The following GTF2IRD1 variants were observed in gnomAD, a reference collection of about 807,000 sequenced individuals.
GTF2IRD1 encodes the protein general transcription factor II-I repeat domain-containing protein 1.
Under a neutral mutation model 113.2 loss-of-function variants are expected in GTF2IRD1, and 26 were observed. That is an observed-to-expected ratio of 0.23 (90% CI 0.17 to 0.32). The LOEUF is 0.32. GTF2IRD1 is among the 10% of genes least tolerant of loss of function. GTF2IRD1 has a pLI of 1.00. For synonymous variants in GTF2IRD1, 484 were observed against 529.1 expected, an observed-to-expected ratio of 0.91 and a Z score of 1.17; for missense variants, 864 against 1,280.8, an observed-to-expected ratio of 0.67 and a Z score of 4.97.
intron 20 of GTF2IRD1, 32 bp downstream of exon 20, chr7:74,557,754 C>A: frequency 7.3e-7 from 1 of 1,370,030 alleles, no homozygotes; most frequent in Non-Finnish European, 1.0e-6. Context: ...GGGAGGGACA[C>A]GCAGCTGCTG....
intron 8 of GTF2IRD1, among the ~76,000 whole-genome samples, chr7:74,528,706 G>GAT (rs1554347757): frequency 1.4e-5 from 2 of 144,710 alleles, no homozygotes; most frequent in Non-Finnish European, 3.0e-5. Context: ...AGGAAAGATG[G>GAT]GTGGATGGAT....
chr7:74,533,032 C>G (rs1311646766), intron 9 of GTF2IRD1, among the ~76,000 whole-genome samples: 1 of 152,126 alleles, frequency 6.6e-6, no homozygotes, highest in African/African-American at 2.4e-5. Context: ...TGCCAGAACT[C>G]CAGTCCTGGA....
At chr7:74,581,958 G>T (rs1411767972) in intron 22 of GTF2IRD1, among the ~76,000 whole-genome samples, 3 of 152,162 alleles carry the variant, frequency 2.0e-5, no homozygotes, top group Non-Finnish European at 4.4e-5. Context: ...AGTGAGCTGA[G>T]ATTGCTCCAC....
intron 1 of GTF2IRD1, among the ~76,000 whole-genome samples, chr7:74,471,701 AC>A (rs1794114095): frequency 2.2e-5 from 3 of 134,716 alleles, no homozygotes; most frequent in Non-Finnish European, 4.6e-5. Context: ...AAAAAAAAAA[AC>A]AAAAAAAACG....
chr7:74,521,404 G>A, intron 7 of GTF2IRD1, 107 bp downstream of exon 7: 2 of 739,354 alleles, frequency 2.7e-6, no homozygotes, highest in Non-Finnish European at 4.8e-6. Context: ...AAAGAAAGGA[G>A]GAACAGCTCT....
Position 74,538,576 on chromosome 7 carries a change from G to C in GTF2IRD1, c.1448-104G>C, listed in dbSNP as rs1490115642. The C allele has an allele frequency of 3.7e-6, 3 of 812,686 alleles. No individual in the cohort carries two copies. The African/African-American group carries it at 5.0e-5, about 14-fold the overall frequency. 50.3% of individuals were successfully genotyped at this position (812,686 alleles called of 1,614,324 possible). ...GGCTGACATGACTTGTCCTAGGTAG[G>C]GCCTCACTAACAAGTTACAGACACC... On this transcript the variant is annotated intron_variant, in intron 12 of 26. Coordinates refer to ENST00000424337, the MANE Select transcript of GTF2IRD1 (RefSeq NM_005685.4).
At chr7:74,557,123 G>A (rs1474539638) in intron 19 of GTF2IRD1, among the ~76,000 whole-genome samples, 2 of 152,146 alleles carry the variant, frequency 1.3e-5, no homozygotes, top group African/African-American at 4.8e-5. Context: ...GTGCACGCCT[G>A]TGGTCCCAGC....
chr7:74,484,930 A>T (rs1422874005), intron 1 of GTF2IRD1, among the ~76,000 whole-genome samples: 1 of 152,220 alleles, frequency 6.6e-6, no homozygotes, highest in Non-Finnish European at 1.5e-5. Context: ...TTTATTAACA[A>T]CATTGCTGTA....
chr7:74,586,888 T>C (rs1279148655), intron 22 of GTF2IRD1, among the ~76,000 whole-genome samples: 3 of 152,176 alleles, frequency 2.0e-5, no homozygotes, highest in African/African-American at 2.4e-5. Context: ...CTCACAACTG[T>C]AATCCCAGCA....
intron 17 of GTF2IRD1, among the ~76,000 whole-genome samples, chr7:74,548,078 C>CG (rs1184910939): frequency 6.6e-6 from 1 of 151,990 alleles, no homozygotes; most frequent in Non-Finnish European, 1.5e-5. Context: ...AATGAGGGCC[C>CG]GGGACAGCAC....
chr7:74,546,000 C>T (rs1163997187), intron 16 of GTF2IRD1, among the ~76,000 whole-genome samples, 191 bp downstream of exon 16: 1 of 152,096 alleles, frequency 6.6e-6, no homozygotes, highest in African/African-American at 2.4e-5. Flanking sequence ...GGCTGTCACT[C>T]AGGCTCCCTG....
intron 9 of GTF2IRD1, among the ~76,000 whole-genome samples, chr7:74,532,137 C>T (rs587644962): frequency 2.6e-5 from 4 of 152,278 alleles, no homozygotes; most frequent in South Asian, 2.1e-4. Context: ...GGCATCTGAC[C>T]GCTCCCTGAC....
At chr7:74,534,297 CTG>C (rs1382861554) in intron 9 of GTF2IRD1, among the ~76,000 whole-genome samples, 2 of 152,172 alleles carry the variant, frequency 1.3e-5, no homozygotes, top group Non-Finnish European at 2.9e-5. Flanking sequence ...CTTTCCCTAA[CTG>C]TGCAAAAATG....
intron 25 of GTF2IRD1, 138 bp from the exon 26 acceptor site, chr7:74,600,905 AC>A: frequency 1.1e-6 from 1 of 874,468 alleles, no homozygotes; most frequent in Non-Finnish European, 1.8e-6. Context: ...GTGGGCCCTG[AC>A]CCCCAGGGGA....
chr7:74,591,626 C>T (rs782544322), intron 24 of GTF2IRD1, among the ~76,000 whole-genome samples: 2 of 152,064 alleles, frequency 1.3e-5, no homozygotes, highest in South Asian at 2.1e-4. Context: ...GTGATCTGCC[C>T]GCCTCAGCCT....
rs782426480 is a variant in GTF2IRD1, at chr7:74,544,766, A to G, written c.1630A>G (p.Ser544Gly). Residue 544 changes from serine (S) to glycine (G), a missense_variant, in exon 15 of 27, where the codon AGT becomes GGT. Ser to Gly is a moderately conservative substitution (Grantham distance 56). Transcript: ENST00000424337. ...GMEMLTDKGLSEDARPEERPV... is the reference protein window; with the variant it reads ...GMEMLTDKGLGEDARPEERPV... ...CTGTTCTCTTTTAGACAAAGGTCTG[A>G]GTGAGGACGCGCGGCCCGAGGAGAG... The G allele has an allele frequency of 9.3e-6, 15 of 1,613,912 alleles. No individual in the cohort carries two copies. Among genetic ancestry groups the G allele is most frequent in the African/African-American group, 1.3e-5 (1 of 75,024 alleles).
At chr7:74,582,813 T>C (rs1801494658) in intron 22 of GTF2IRD1, among the ~76,000 whole-genome samples, 2 of 152,006 alleles carry the variant, frequency 1.3e-5, no homozygotes, top group Admixed American at 1.3e-4. Flanking sequence ...GAGCCTCCCC[T>C]ACTCCATTTC....
chr7:74,592,408 C>G (rs1430051492), intron 24 of GTF2IRD1, among the ~76,000 whole-genome samples: 59 of 151,542 alleles, frequency 3.9e-4, no homozygotes, highest in African/African-American at 1.3e-3. Context: ...CCCAGCCCCC[C>G]CTTTTTTTTT....
intron 11 of GTF2IRD1, among the ~76,000 whole-genome samples, chr7:74,537,424 A>AG (rs1320065960): frequency 6.6e-6 from 1 of 152,024 alleles, no homozygotes; most frequent in Non-Finnish European, 1.5e-5. Flanking sequence ...AAAAAAAAAA[A>AG]CAAAAAAAAC....
Sources: allele counts gnomAD v4.1 joint callset (sites outside exome capture counted in the v4.1 genomes callset), GRCh38; gene constraint gnomAD v4.1.1; transcripts MANE v1.5; gene names NCBI Gene and HGNC (gene_info 2026-07-23, HGNC 2026-07-21).